Variants in SLC25A22 observed in about 807,000 individuals in gnomAD.
SLC25A22 encodes the protein mitochondrial glutamate carrier 1.
In SLC25A22, 23 loss-of-function variants were observed where a neutral mutation model predicts 33.7. That is an observed-to-expected ratio of 0.68 (90% CI 0.49 to 0.97). The LOEUF (loss-of-function observed/expected upper bound fraction) is 0.97. SLC25A22 is among the 50% of genes least tolerant of loss of function. The pLI, the probability that SLC25A22 is intolerant of heterozygous loss-of-function variation, is 0.00. For synonymous variants in SLC25A22, 245 were observed against 203.8 expected (o/e 1.20, Z -1.72); for missense variants, 390 against 451.1 (o/e 0.86, Z 1.23).
chr11:797,736 G>C (rs937216500), intron 1 of SLC25A22: 2 of 398,548 alleles, frequency 5.0e-6, no homozygotes, highest in Admixed American at 4.4e-5. Context: ...CCCGGAAGGG[G>C]ACTCCAACTG....
chr11:793,856 T>G, intron 4 of SLC25A22: 1 of 584,932 alleles, frequency 1.7e-6, no homozygotes, highest in South Asian at 2.0e-5. Context: ...TGTCTCTGAT[T>G]CTGGGCAGCA....
chr11:794,966 C>G (rs1207337476), intron 2 of SLC25A22, 21 bp downstream of exon 2: 3 of 1,561,750 alleles, frequency 1.9e-6, no homozygotes, highest in South Asian at 2.4e-5. Flanking sequence ...GTGAGGCACG[C>G]AGCCAGGACT....
In SLC25A22 at chr11:791,876, G is replaced by A. The variant is rs752899555; in HGVS notation, c.*39C>T. The stretch of plus-strand genomic sequence containing the variant: ...AGCTGCCTGGCTCCAGCCCCACACC[G>A]GCCCTGCCCAGCTGGCTGGGGTGGA... On this transcript the variant is annotated 3_prime_UTR_variant, in exon 10 of 10. Transcript: ENST00000628067. 5.8e-6 allele frequency: 9 copies of A among 1,557,766 alleles called. No individual in the cohort carries two copies. The highest frequency in any genetic ancestry group is 2.4e-5 in the East Asian group (1 of 42,458).
In SLC25A22 at chr11:794,560, G is replaced by A. The variant is rs375401117; in HGVS notation, c.147-47C>T. The A allele has an allele frequency of 1.7e-5, 27 of 1,600,944 alleles. No individual in the cohort carries two copies. In the East Asian group the frequency reaches 2.7e-4, roughly 16 times the overall value. Reference sequence around the variant, plus strand: ...GAGCCAGGGCCAGCTGGGGCCAGCCGGAGGCCAGGGTCCCTGGACTGTCTA... The same window carrying A: ...GAGCCAGGGCCAGCTGGGGCCAGCCAGAGGCCAGGGTCCCTGGACTGTCTA... On this transcript the variant is annotated intron_variant, in intron 3 of 9. Transcript: ENST00000628067.
Position 795,173 on chromosome 11 carries a change from GA to G in SLC25A22, c.-163-5del, listed in dbSNP as rs1864741708. 1.2e-6 allele frequency: 1 copy of G among 818,614 alleles called. No individual in the cohort carries two copies. The highest frequency in any genetic ancestry group is 1.7e-5 in the African/African-American group (1 of 59,494). 50.7% of individuals were successfully genotyped at this position (818,614 alleles called of 1,614,324 possible). On this transcript the variant is annotated splice_region_variant and splice_polypyrimidine_tract_variant and intron_variant, in intron 1 of 9. Coordinates refer to ENST00000628067, the MANE Select transcript of SLC25A22 (RefSeq NM_001191061.2). The stretch of plus-strand genomic sequence containing the variant: ...GTCAGCAACCGCCACTTCTGTCCTA[GA>G]AGGATGAGGGAATGGGAATGAGTGA...
At chr11:793,087 C>A in intron 5 of SLC25A22, 99 bp from the exon 6 acceptor site, 1 of 1,170,788 alleles carries the variant, frequency 8.5e-7, no homozygotes, top group Non-Finnish European at 1.2e-6. Context: ...TGGTGGGAGC[C>A]GTGGAGGCAG....
chr11:794,712 G>A (rs983582822), intron 3 of SLC25A22, 64 bp downstream of exon 3: 6 of 1,567,468 alleles, frequency 3.8e-6, no homozygotes, highest in Non-Finnish European at 5.2e-6. Context: ...CACAGGAGCA[G>A]AGCCCCCACC....
At chr11:796,757 C>T (rs1864846919) in intron 1 of SLC25A22, among the ~76,000 whole-genome samples, 1 of 152,220 alleles carries the variant, frequency 6.6e-6, no homozygotes, top group South Asian at 2.1e-4. Flanking sequence ...CCAGAGGCCA[C>T]TGTTGCCACC....
chr11:792,116 C>T lies in SLC25A22; in HGVS notation c.818+26G>A, dbSNP rs201941732. On this transcript the variant is annotated intron_variant, in intron 9 of 9. Coordinates refer to ENST00000628067, the MANE Select transcript of SLC25A22 (RefSeq NM_001191061.2). Reference sequence around the variant, plus strand: ...TCAGCCCGGTACGCAGGCCCCCAGGCCCCACCCGCCGTGGGACCTCCCCAC... The same window carrying T: ...TCAGCCCGGTACGCAGGCCCCCAGGTCCCACCCGCCGTGGGACCTCCCCAC... 5.5e-5 allele frequency: 88 copies of T among 1,608,350 alleles called. No homozygotes were observed. In the East Asian group the frequency reaches 9.9e-4, roughly 18 times the overall value.
At position 790,764 on chromosome 11, in the gene SLC25A22, G is replaced by C. The variant is rs1259827734; in HGVS notation, c.*1151C>G. 1 of 152,550 alleles carries C rather than the reference G, an allele frequency of 6.6e-6. No homozygotes were observed. The highest frequency in any genetic ancestry group is 1.5e-5 in the Non-Finnish European group (1 of 68,200). 9.4% of individuals were successfully genotyped at this position (152,550 alleles called of 1,614,324 possible). On this transcript the variant is annotated 3_prime_UTR_variant, in exon 10 of 10. Coordinates refer to ENST00000628067, the MANE Select transcript of SLC25A22 (RefSeq NM_001191061.2). ...CAACACGATCACATGGCCAGGGCGG[G>C]GCAGGGAGAGCTTCGGCTCACAGCA...
At position 792,860 on chromosome 11, in the gene SLC25A22, C is replaced by A. The variant is rs113091974; in HGVS notation, c.412+10G>T. ...CCTCTGCCCTCTCCTCCCCCTCCCC[C>A]CGCCCTCACCAATGCGCCCTGCATC... On this transcript the variant is annotated intron_variant, in intron 6 of 9. Transcript: ENST00000628067. 11,295 of 1,449,026 alleles carry A rather than the reference C, an allele frequency of 7.8e-3. 656 individuals carry two copies. In the African/African-American group the frequency reaches 0.13, roughly 17 times the overall value. 89.8% of individuals were successfully genotyped at this position (1,449,026 alleles called of 1,614,324 possible). A position where few individuals can be genotyped will look rare whatever the true frequency, so the allele number is the denominator to read the frequency against.
Position 791,957 on chromosome 11 carries a change from G to A in SLC25A22, c.930C>T (p.Ile310=), listed in dbSNP as rs765908991. 6.5e-5 allele frequency: 104 copies of A among 1,606,182 alleles called. No homozygotes were observed. The South Asian group carries it at 7.4e-4, about 11-fold the overall frequency. Residue 310 remains isoleucine (I), a synonymous_variant, in exon 10 of 10, where the codon ATC becomes ATT. Transcript: ENST00000628067. ...GCAGCAGCCCCAGCAGGGACTCCGC[G>A]ATGCCCAGGAAGTAGACCACCTGTG... The part of the protein sequence containing the change: ...GIAQVVYFLG[I]AESLLGLLQD...
chr11:793,510 T>C lies in SLC25A22; in HGVS notation c.293+19A>G. Reference sequence around the variant, plus strand: ...TGAAGCCAAAGACCCCTCGAGTGTCTGCCAGGCAGAACCCTCACCCGTCCT... The same window carrying C: ...TGAAGCCAAAGACCCCTCGAGTGTCCGCCAGGCAGAACCCTCACCCGTCCT... On this transcript the variant is annotated intron_variant, in intron 5 of 9. Coordinates refer to ENST00000628067, the MANE Select transcript of SLC25A22 (RefSeq NM_001191061.2). The C allele has an allele frequency of 1.2e-6, 2 of 1,612,644 alleles. No individual in the cohort carries two copies. Among genetic ancestry groups the C allele is most frequent in the Non-Finnish European group, 1.7e-6 (2 of 1,179,450 alleles).
chr11:794,950 G>A (rs1864725475), intron 2 of SLC25A22, 37 bp downstream of exon 2: 2 of 1,562,834 alleles, frequency 1.3e-6, no homozygotes, highest in African/African-American at 1.4e-5. Context: ...ATGGGTCAGG[G>A]TGGGGGTGAG....
In SLC25A22 at chr11:792,292, C is replaced by T. The variant is rs1295594750; in HGVS notation, c.742+12G>A. 1 of 1,613,074 alleles carries T rather than the reference C, an allele frequency of 6.2e-7. No individual in the cohort carries two copies. The highest frequency in any genetic ancestry group is 1.3e-5 in the African/African-American group (1 of 74,922). ...GCCCCATCCCCAGCCGGGCGCCATC[C>T]CATGCACTGACCATCACAGGGGTTG... On this transcript the variant is annotated intron_variant, in intron 8 of 9. Transcript: ENST00000628067.
At position 795,379 on chromosome 11, in the gene SLC25A22, C is replaced by A. The variant is rs1480896371; in HGVS notation, c.-163-210G>T. On this transcript the variant is annotated intron_variant, in intron 1 of 9. Transcript: ENST00000628067. ...GGCTTCCTTTCAGTCCCCCCCTCCC[C>A]ACCGCCAGCGTCTTCCCAGCCAGCC... The A allele has an allele frequency of 2.4e-5, 8 of 329,106 alleles. 1 individual carries two copies. The highest frequency in any genetic ancestry group is 1.4e-4 in the East Asian group (2 of 14,600). The allele number at this position is 329,106 out of a possible 1,614,324, so 20.4% of individuals were successfully genotyped here. A position where few individuals can be genotyped will look rare whatever the true frequency, so the allele number is the denominator to read the frequency against.
intron 5 of SLC25A22, among the ~76,000 whole-genome samples, chr11:793,221 A>G (rs944299874): frequency 1.5e-4 from 23 of 152,154 alleles, no homozygotes; most frequent in Non-Finnish European, 3.1e-4. Context: ...GTCTGCGACA[A>G]AGGAAAATGG....
chr11:796,280 CAG>C (rs1285397434), intron 1 of SLC25A22: 3 of 109,562 alleles, frequency 2.7e-5, no homozygotes. Flanking sequence ...CGAGGGGCCG[CAG>C]GGATTGGCCG....
intron 1 of SLC25A22, 131 bp downstream of exon 1, chr11:798,086 C>CA (rs1025342878): frequency 2.3e-5 from 9 of 398,296 alleles, no homozygotes; most frequent in African/African-American, 1.4e-4. Flanking sequence ...CCAGGACCCC[C>CA]CCTCCCGCCC....
Sources: allele counts gnomAD v4.1 joint callset (sites outside exome capture counted in the v4.1 genomes callset), GRCh38; gene constraint gnomAD v4.1.1; transcripts MANE v1.5; gene names NCBI Gene and HGNC (gene_info 2026-07-23, HGNC 2026-07-21).